ROBO2: variants seen among roughly 807,000 people sequenced by gnomAD.
ROBO2 encodes the protein roundabout guidance receptor 2.
Under a neutral mutation model 160.8 loss-of-function variants are expected in ROBO2, and 53 were observed. That is an observed-to-expected ratio of 0.33 (90% CI 0.26 to 0.41). ROBO2 has a LOEUF of 0.41. ROBO2 is among the 10% of genes least tolerant of loss of function. The pLI, the probability that ROBO2 is intolerant of heterozygous loss-of-function variation, is 1.00. For synonymous variants in ROBO2, 664 were observed against 611.7 expected (o/e 1.09, Z -1.26); for missense variants, 1,577 against 1,722.4 (o/e 0.92, Z 1.49).
intron 2 of ROBO2, among the ~76,000 whole-genome samples, chr3:75,960,079 A>G (rs926765086): frequency 6.6e-6 from 1 of 151,564 alleles, no homozygotes; most frequent in Non-Finnish European, 1.5e-5. Flanking sequence ...TCCATAGAGT[A>G]CTTTGCTGGG....
At chr3:77,225,040 A>G (rs1415475354) in intron 2 of ROBO2, among the ~76,000 whole-genome samples, 1 of 151,882 alleles carries the variant, frequency 6.6e-6, no homozygotes, top group Non-Finnish European at 1.5e-5. Context: ...AGAAAAAAGT[A>G]GCATAATGAT....
intron 2 of ROBO2, among the ~76,000 whole-genome samples, chr3:76,141,030 C>T (rs13316095): frequency 1.1e-5 from 1 of 93,958 alleles, no homozygotes; most frequent in Non-Finnish European, 2.2e-5. Context: ...AAATTGTACA[C>T]ACACACACAC....
intron 2 of ROBO2, among the ~76,000 whole-genome samples, chr3:77,313,863 T>C (rs62251218): frequency 0.014 from 2,079 of 152,192 alleles, 41 homozygotes; most frequent in African/African-American, 0.039. Context: ...GGATTACAGG[T>C]GTGAGCCACC....
intron 2 of ROBO2, among the ~76,000 whole-genome samples, chr3:76,665,083 G>A (rs1465175893): frequency 6.6e-5 from 10 of 152,068 alleles, no homozygotes; most frequent in Non-Finnish European, 1.5e-4. Context: ...ACCAAAGCTA[G>A]ATCATGGCTG....
chr3:77,422,576 T>G (rs1458512369), intron 2 of ROBO2, among the ~76,000 whole-genome samples: 1 of 152,158 alleles, frequency 6.6e-6, no homozygotes, highest in African/African-American at 2.4e-5. Context: ...AACCACAGAT[T>G]CATTCAAATA....
At chr3:77,600,312 T>C (rs1436534379) in intron 19 of ROBO2, among the ~76,000 whole-genome samples, 1 of 152,164 alleles carries the variant, frequency 6.6e-6, no homozygotes, top group Non-Finnish European at 1.5e-5. Context: ...TTTTTGAAAA[T>C]GTAGGGATGA....
intron 2 of ROBO2, among the ~76,000 whole-genome samples, chr3:76,243,956 C>A (rs2107526241): frequency 6.6e-6 from 1 of 151,662 alleles, no homozygotes; most frequent in East Asian, 1.9e-4. Flanking sequence ...AAGAAGGGAG[C>A]TTGGGGGAGG....
chr3:76,742,330 A>G (rs1234142718), intron 2 of ROBO2, among the ~76,000 whole-genome samples: 3 of 152,148 alleles, frequency 2.0e-5, no homozygotes, highest in Non-Finnish European at 2.9e-5. Context: ...CATTCTTATA[A>G]TTTAGGCAAA....
intron 2 of ROBO2, among the ~76,000 whole-genome samples, chr3:75,985,955 C>T (rs1158735699): frequency 2.0e-5 from 3 of 151,674 alleles, no homozygotes; most frequent in Admixed American, 1.3e-4. Flanking sequence ...CATTGAGAGA[C>T]ACTTGGATTG....
intron 2 of ROBO2, among the ~76,000 whole-genome samples, chr3:76,241,515 C>T (rs897609853): frequency 2.6e-5 from 4 of 152,268 alleles, no homozygotes; most frequent in African/African-American, 9.6e-5. Flanking sequence ...AAATAAGCTT[C>T]GTGACTGAAA....
intron 1 of ROBO2, among the ~76,000 whole-genome samples, chr3:77,081,419 G>T (rs1051594086): frequency 7.2e-5 from 11 of 152,148 alleles, no homozygotes; most frequent in Non-Finnish European, 1.6e-4. Context: ...TGCACTCTAA[G>T]GATAGCCATG....
chr3:77,292,922 A>C (rs1273382285), intron 2 of ROBO2, among the ~76,000 whole-genome samples: 1 of 151,274 alleles, frequency 6.6e-6, no homozygotes, highest in Non-Finnish European at 1.5e-5. Context: ...CACCAAAGAC[A>C]TAAAGTAAAA....
intron 2 of ROBO2, among the ~76,000 whole-genome samples, chr3:76,342,494 A>G (rs577259713): frequency 6.6e-6 from 1 of 151,864 alleles, no homozygotes; most frequent in Admixed American, 6.6e-5. Flanking sequence ...AGGGAACCCA[A>G]CTTTTTTATG....
intron 2 of ROBO2, among the ~76,000 whole-genome samples, chr3:76,797,470 C>A (rs1049293001): frequency 6.6e-6 from 1 of 151,622 alleles, no homozygotes. Flanking sequence ...GCAATGAGCA[C>A]CTATATAAAA....
At chr3:77,453,630 A>G (rs2081329516) in intron 2 of ROBO2, among the ~76,000 whole-genome samples, 1 of 152,098 alleles carries the variant, frequency 6.6e-6, no homozygotes, top group Non-Finnish European at 1.5e-5. Flanking sequence ...GTTTGATAGG[A>G]AAAAAGTATG....
At chr3:75,927,269 A>G (rs1947327748) in intron 1 of ROBO2, among the ~76,000 whole-genome samples, 1 of 152,198 alleles carries the variant, frequency 6.6e-6, no homozygotes, top group South Asian at 2.1e-4. Context: ...AGAAAATCCA[A>G]TTTTTAAATT....
At chr3:76,529,216 T>C (rs2082101932) in intron 2 of ROBO2, among the ~76,000 whole-genome samples, 1 of 152,086 alleles carries the variant, frequency 6.6e-6, no homozygotes, top group Admixed American at 6.6e-5. Flanking sequence ...TTACCAAAGA[T>C]AGACAGCAAA....
intron 2 of ROBO2, among the ~76,000 whole-genome samples, chr3:76,487,370 T>A (rs9309740): frequency 2.0e-5 from 3 of 151,744 alleles, no homozygotes; most frequent in African/African-American, 7.3e-5. Context: ...AAAAGGGGGA[T>A]AAAAACGTAT....
intron 6 of ROBO2, among the ~76,000 whole-genome samples, chr3:77,540,542 G>A (rs938861998): frequency 6.6e-6 from 1 of 151,954 alleles, no homozygotes; most frequent in Non-Finnish European, 1.5e-5. Context: ...CACAGGGAGG[G>A]GAACAATACA....
Sources: gnomAD v4.1 joint callset for allele counts (sites outside exome capture counted in the v4.1 genomes callset) on GRCh38, gnomAD v4.1.1 for gene constraint, MANE v1.5 for transcripts, NCBI Gene and HGNC (gene_info 2026-07-23, HGNC 2026-07-21) for gene names.